The following STX7 variants were observed in gnomAD, a reference collection of about 807,000 sequenced individuals.
STX7 encodes the protein syntaxin-7.
STX7 carries 34 observed loss-of-function variants against 39.6 expected under a neutral mutation model. The observed-to-expected ratio is 0.86, with a 90% confidence interval of 0.65 to 1.14. The LOEUF is 1.14. Among genes scored for constraint, STX7 ranks in the 50% most tolerant of loss-of-function variants. STX7 has a pLI of 0.00. For missense variants in STX7, 284 were observed against 310.4 expected (o/e 0.92, Z 0.64); for synonymous variants, 119 against 99.1 (o/e 1.20, Z -1.19).
At chr6:132,499,615 T>G (rs1293537327) in intron 2 of STX7, among the ~76,000 whole-genome samples, 1 of 152,202 alleles carries the variant, frequency 6.6e-6, no homozygotes, top group Non-Finnish European at 1.5e-5. Context: ...TTTCTAGAAA[T>G]CTACCACATC....
chr6:132,511,724 A>C (rs1775850140), intron 1 of STX7, among the ~76,000 whole-genome samples: 1 of 152,220 alleles, frequency 6.6e-6, no homozygotes. Flanking sequence ...GTTTTAGTTC[A>C]CAATACCGAG....
chr6:132,468,945 C>T (rs1582650343), intron 7 of STX7, among the ~76,000 whole-genome samples: 1 of 152,158 alleles, frequency 6.6e-6, no homozygotes, highest in East Asian at 1.9e-4. Flanking sequence ...ATAATTTGAA[C>T]ATGCAGTGGA....
At chr6:132,469,836 C>T in intron 7 of STX7, 115 bp downstream of exon 7, 2 of 827,912 alleles carry the variant, frequency 2.4e-6, no homozygotes, top group Non-Finnish European at 3.6e-6. Flanking sequence ...GAGACTGTCT[C>T]AAAAAGAAAA....
In STX7 at chr6:132,447,297, A is replaced by C. The variant is rs987974106; in HGVS notation, c.*13461T>G. 6.6e-6 allele frequency: 1 copy of C among 152,208 alleles called. No individual in the cohort carries two copies. The highest frequency in any genetic ancestry group is 6.5e-5 in the Admixed American group (1 of 15,272). 9.4% of individuals were successfully genotyped at this position (152,208 alleles called of 1,614,324 possible). ...TTTCCAGAGAGGCTTGAAATAAAAC[A>C]GTTGACTTTATGTAGATTATGGTTA... is the stretch of plus-strand genomic sequence containing the variant. On this transcript the variant is annotated 3_prime_UTR_variant, in exon 10 of 10. Transcript: ENST00000367941.
chr6:132,461,565 C>T (rs113312480), intron 9 of STX7: 5,163 of 332,980 alleles, frequency 0.016, 227 homozygotes, highest in African/African-American at 0.097. Flanking sequence ...CCACTTCGGC[C>T]TCCCACAGTG....
intron 3 of STX7, among the ~76,000 whole-genome samples, chr6:132,472,656 T>C (rs1458807195): frequency 6.6e-6 from 1 of 152,196 alleles, no homozygotes; most frequent in Non-Finnish European, 1.5e-5. Flanking sequence ...AGAGGGAACC[T>C]GAAGGAGAGA....
intron 8 of STX7, among the ~76,000 whole-genome samples, chr6:132,468,176 G>A (rs1373704066): frequency 6.6e-6 from 1 of 152,118 alleles, no homozygotes; most frequent in Admixed American, 6.6e-5. Flanking sequence ...TTAAATTTGG[G>A]CTTCTGAAAT....
intron 9 of STX7, 60 bp from the exon 10 acceptor site, chr6:132,460,910 C>T: frequency 1.4e-6 from 2 of 1,392,648 alleles, no homozygotes; most frequent in Non-Finnish European, 2.0e-6. Flanking sequence ...AGTGGAGTAC[C>T]TCTACAGCAA....
rs187964687 is a variant in STX7 at position 132,454,721 on chromosome 6, A to G, written c.*6037T>C. The G allele has an allele frequency of 5.3e-5, 8 of 152,308 alleles. No individual in the cohort carries two copies. Among genetic ancestry groups the G allele is most frequent in the Non-Finnish European group, 1.2e-4 (8 of 68,012 alleles). 9.4% of individuals were successfully genotyped at this position (152,308 alleles called of 1,614,324 possible). A position where few individuals can be genotyped will look rare whatever the true frequency, so the allele number is the denominator to read the frequency against. Reference sequence around the variant, plus strand: ...ACAGATCAGGAAAAGACATAAGGACAATAGGGTAGCCCTAATTTTGAACAA... The same window carrying G: ...ACAGATCAGGAAAAGACATAAGGACGATAGGGTAGCCCTAATTTTGAACAA... On this transcript the variant is annotated 3_prime_UTR_variant, in exon 10 of 10. Coordinates refer to ENST00000367941, the MANE Select transcript of STX7 (RefSeq NM_003569.3).
chr6:132,467,592 T>G lies in STX7; in HGVS notation c.610+811A>C, dbSNP rs558045968. Among the ~76,000 whole-genome samples the G allele has an allele frequency of 2.0e-5, 3 of 152,188 alleles. No individual in the cohort carries two copies. The East Asian group carries it at 5.8e-4, about 29-fold the overall frequency. On this transcript the variant is annotated intron_variant, in intron 8 of 9. Transcript: ENST00000367941. Reference sequence around the variant, plus strand: ...CAATGCCTAGATTTGTGTCTGGACATAGTAGCCACTCAACATATTTCGGAT... The same window carrying G: ...CAATGCCTAGATTTGTGTCTGGACAGAGTAGCCACTCAACATATTTCGGAT...
chr6:132,492,355 A>G (rs1317278521), intron 2 of STX7, among the ~76,000 whole-genome samples: 5 of 152,110 alleles, frequency 3.3e-5, no homozygotes, highest in African/African-American at 1.2e-4. Flanking sequence ...TGTTTTTGTC[A>G]TTGTTTCTTT....
Position 132,513,077 on chromosome 6 carries a change from A to T in STX7, c.-129T>A, listed in dbSNP as rs1297060116. On this transcript the variant is annotated 5_prime_UTR_variant, in exon 1 of 10. The change creates a new upstream start codon in the 5' untranslated region. Coordinates refer to ENST00000367941, the MANE Select transcript of STX7 (RefSeq NM_003569.3). ...ACCTACCCCGGAGCCCTCAGCTGCA[A>T]TTCTCAGCTGATGGGCGGTGGCGTG... The T allele has an allele frequency of 6.6e-6, 1 of 152,340 alleles. No homozygotes were observed. The highest frequency in any genetic ancestry group is 2.4e-5 in the African/African-American group (1 of 41,450). 9.4% of individuals were successfully genotyped at this position (152,340 alleles called of 1,614,324 possible). A position where few individuals can be genotyped will look rare whatever the true frequency, so the allele number is the denominator to read the frequency against.
intron 2 of STX7, among the ~76,000 whole-genome samples, chr6:132,493,901 C>T (rs1426163779): frequency 6.6e-6 from 1 of 152,156 alleles, no homozygotes; most frequent in Non-Finnish European, 1.5e-5. Flanking sequence ...GTAGCCACTA[C>T]ACAACTAACC....
chr6:132,475,222 C>T (rs1410437392), intron 3 of STX7: 2 of 153,642 alleles, frequency 1.3e-5, no homozygotes, highest in African/African-American at 4.8e-5. Context: ...CACCCGGGTT[C>T]AAGAGATTCA....
In STX7 at chr6:132,454,944, C is replaced by T. The variant is rs2114327853; in HGVS notation, c.*5814G>A. ...ACCTTTATGAGGCTGAACATTAAATCTGGCCCTGGGAAGAGGTTGGATGTG... is the reference window on the plus strand; with the variant it reads ...ACCTTTATGAGGCTGAACATTAAATTTGGCCCTGGGAAGAGGTTGGATGTG... On this transcript the variant is annotated 3_prime_UTR_variant, in exon 10 of 10. Coordinates refer to ENST00000367941, the MANE Select transcript of STX7 (RefSeq NM_003569.3). 6.6e-6 allele frequency: 1 copy of T among 152,246 alleles called. No individual in the cohort carries two copies. The highest frequency in any genetic ancestry group is 2.1e-4 in the South Asian group (1 of 4,822). 9.4% of individuals were successfully genotyped at this position (152,246 alleles called of 1,614,324 possible).
At chr6:132,492,592 A>G (rs531887072) in intron 2 of STX7, among the ~76,000 whole-genome samples, 6 of 152,324 alleles carry the variant, frequency 3.9e-5, no homozygotes, top group African/African-American at 1.4e-4. Flanking sequence ...AATATACAGC[A>G]TGATCCAAAT....
In STX7 at chr6:132,450,396, G is replaced by C. The variant is rs1205274390; in HGVS notation, c.*10362C>G. On this transcript the variant is annotated 3_prime_UTR_variant, in exon 10 of 10. Transcript: ENST00000367941. ...TCTTATTATTTTAAAATCTATGTTT[G>C]GTTATTTATCTGTACTTTCATTCCT... is the stretch of plus-strand genomic sequence containing the variant. The C allele has an allele frequency of 6.6e-6, 1 of 151,766 alleles. No individual in the cohort carries two copies. The allele number at this position is 151,766 out of a possible 1,614,324, so 9.4% of individuals were successfully genotyped here.
intron 1 of STX7, among the ~76,000 whole-genome samples, chr6:132,511,129 A>T (rs894828693): frequency 1.3e-5 from 2 of 152,200 alleles, no homozygotes; most frequent in African/African-American, 4.8e-5. Context: ...GCCTGGCTAC[A>T]TCACAAGTGC....
At chr6:132,462,723 A>C (rs1325081338) in intron 9 of STX7, among the ~76,000 whole-genome samples, 1 of 152,116 alleles carries the variant, frequency 6.6e-6, no homozygotes. Flanking sequence ...CAAAGATAAT[A>C]AACAGGAGTG....
Sources: gnomAD v4.1 joint callset for allele counts (sites outside exome capture counted in the v4.1 genomes callset) on GRCh38, gnomAD v4.1.1 for gene constraint, MANE v1.5 for transcripts, NCBI Gene and HGNC (gene_info 2026-07-23, HGNC 2026-07-21) for gene names.